The following INPP5B variants were observed in gnomAD, a reference collection of about 807,000 sequenced individuals.
INPP5B encodes the protein type II inositol 1,4,5-trisphosphate 5-phosphatase.
In INPP5B, 90 loss-of-function variants were observed where a neutral mutation model predicts 118.5. That is an observed-to-expected ratio of 0.76 (90% CI 0.64 to 0.90). The LOEUF (loss-of-function observed/expected upper bound fraction) is 0.90. Among genes scored for constraint, INPP5B ranks in the 40% least tolerant of loss-of-function variants. The pLI is 0.00. For missense variants in INPP5B, 984 were observed against 1,125.6 expected (o/e 0.87, Z 1.80); for synonymous variants, 385 against 418.9 (o/e 0.92, Z 0.99).
chr1:37,923,540 A>C (rs1645124663), intron 7 of INPP5B, among the ~76,000 whole-genome samples: 1 of 152,148 alleles, frequency 6.6e-6, no homozygotes, highest in Admixed American at 6.6e-5. Context: ...AGGAGAGGGA[A>C]ACTTGAGGTT....
At position 37,937,305 on chromosome 1, in the gene INPP5B, C is replaced by T. The variant is rs182460320; in HGVS notation, c.391+3383G>A. Among the ~76,000 whole-genome samples, 271 of 150,138 alleles carry T rather than the reference C, an allele frequency of 1.8e-3. No homozygotes were observed. The Middle Eastern group carries it at 0.018, about 10-fold the overall frequency. On this transcript the variant is annotated intron_variant, in intron 6 of 23. Coordinates refer to ENST00000373024, the MANE Select transcript of INPP5B (RefSeq NM_005540.3). ...CAGCCTGGGCAACAAAGCAAGACTC[C>T]GTCTCACAAAAAATAAATAAATAAA...
At chr1:37,881,259 T>C (rs989089344) in intron 14 of INPP5B, among the ~76,000 whole-genome samples, 1 of 152,232 alleles carries the variant, frequency 6.6e-6, no homozygotes, top group Non-Finnish European at 1.5e-5. Context: ...TCTGTAAATT[T>C]TGGATTTATA....
Position 37,891,457 on chromosome 1 carries a change from A to C in INPP5B, c.533-3T>G. On this transcript the variant is annotated splice_polypyrimidine_tract_variant and splice_region_variant and intron_variant, in intron 7 of 23. Transcript: ENST00000373024. ...CAAACCATCAAAGTTAGAACCACCTAAAGGGAAGGAGAAGAAATTAAAATA... is the reference window on the plus strand; with the variant it reads ...CAAACCATCAAAGTTAGAACCACCTCAAGGGAAGGAGAAGAAATTAAAATA... 1 of 1,598,198 alleles carries C rather than the reference A, an allele frequency of 6.3e-7. No homozygotes were observed. The highest frequency in any genetic ancestry group is 8.6e-7 in the Non-Finnish European group (1 of 1,165,714).
intron 7 of INPP5B, among the ~76,000 whole-genome samples, chr1:37,895,937 C>G (rs1423650586): frequency 1.3e-5 from 2 of 152,178 alleles, no homozygotes; most frequent in African/African-American, 4.8e-5. Flanking sequence ...GCCACCACCC[C>G]GTCTGGGAAG....
At chr1:37,914,148 G>A (rs997081900) in intron 7 of INPP5B, among the ~76,000 whole-genome samples, 1 of 152,124 alleles carries the variant, frequency 6.6e-6, no homozygotes, top group Admixed American at 6.6e-5. Flanking sequence ...CCTGTTGGTG[G>A]ACTCTTCACA....
chr1:37,900,261 G>GT (rs752628803), intron 7 of INPP5B, among the ~76,000 whole-genome samples: 2,838 of 136,906 alleles, frequency 0.021, 43 homozygotes, highest in Non-Finnish European at 0.028. Context: ...TTTGTTTTCG[G>GT]TTTTTTTTTT....
rs1646092385 is a variant in INPP5B at position 37,945,856 on chromosome 1, G to T, written c.58-6C>A. 1 of 1,613,512 alleles carries T rather than the reference G, an allele frequency of 6.2e-7. No homozygotes were observed. The highest frequency in any genetic ancestry group is 1.3e-5 in the African/African-American group (1 of 74,932). ...CACAGCACACCTTGCACCGCCTGCG[G>T]CTCAGAGTCAAGGGAAGACAACCCA... On this transcript the variant is annotated splice_region_variant and splice_polypyrimidine_tract_variant and intron_variant, in intron 2 of 23. Coordinates refer to ENST00000373024, the MANE Select transcript of INPP5B (RefSeq NM_005540.3).
chr1:37,869,840 CCT>C (rs1375675638), intron 19 of INPP5B: 4 of 151,972 alleles, frequency 2.6e-5, no homozygotes, highest in East Asian at 1.9e-4. Context: ...TGATTGGGCC[CCT>C]GTTTTCATCT....
intron 19 of INPP5B, among the ~76,000 whole-genome samples, chr1:37,870,326 G>A (rs1171024654): frequency 6.6e-6 from 1 of 152,106 alleles, no homozygotes; most frequent in African/African-American, 2.4e-5. Flanking sequence ...GAGCAGGCTG[G>A]TCTCAAAGTC....
At chr1:37,922,926 G>A (rs1557702014) in intron 7 of INPP5B, among the ~76,000 whole-genome samples, 1 of 152,214 alleles carries the variant, frequency 6.6e-6, no homozygotes, top group African/African-American at 2.4e-5. Context: ...CCCCTGGAGA[G>A]ATGACTTGAA....
intron 7 of INPP5B, among the ~76,000 whole-genome samples, chr1:37,918,769 T>C (rs375861534): frequency 1.1e-4 from 16 of 152,228 alleles, no homozygotes; most frequent in East Asian, 5.8e-4. Flanking sequence ...GATAAACAAA[T>C]ACAATCTACA....
chr1:37,891,297 C>G, intron 8 of INPP5B, 61 bp downstream of exon 8: 1 of 1,214,056 alleles, frequency 8.2e-7, no homozygotes, highest in South Asian at 1.2e-5. Flanking sequence ...CCAAAATGGT[C>G]TCAGTACTGT....
intron 7 of INPP5B, among the ~76,000 whole-genome samples, chr1:37,928,060 T>G (rs1175564234): frequency 6.6e-6 from 1 of 152,200 alleles, no homozygotes; most frequent in Non-Finnish European, 1.5e-5. Flanking sequence ...AACACTGTCC[T>G]GCTGGGCCAA....
chr1:37,893,024 T>C (rs1643891384), intron 7 of INPP5B, among the ~76,000 whole-genome samples: 1 of 151,810 alleles, frequency 6.6e-6, no homozygotes, highest in Non-Finnish European at 1.5e-5. Context: ...AAAATAAATC[T>C]CTGATCTCTG....
chr1:37,866,406 TCACACACACA>T (rs57582108), intron 21 of INPP5B, 43 bp downstream of exon 21: 5 of 404,414 alleles, frequency 1.2e-5, no homozygotes, highest in Admixed American at 4.4e-5. Context: ...TCTCTCTCTC[TCACACACACA>T]CACACACACA....
chr1:37,900,845 CTT>C (rs1390498533), intron 7 of INPP5B, among the ~76,000 whole-genome samples: 1 of 151,134 alleles, frequency 6.6e-6, no homozygotes, highest in East Asian at 2.0e-4. Flanking sequence ...GAGTCTCTCT[CTT>C]GTCACCCAGG....
At chr1:37,899,906 G>A (rs1644265855) in intron 7 of INPP5B, among the ~76,000 whole-genome samples, 1 of 151,306 alleles carries the variant, frequency 6.6e-6, no homozygotes, top group African/African-American at 2.4e-5. Flanking sequence ...AGTAGAGACG[G>A]GGTTTCACCG....
chr1:37,879,720 T>C, intron 15 of INPP5B, among the ~76,000 whole-genome samples: 1 of 152,074 alleles, frequency 6.6e-6, no homozygotes, highest in Admixed American at 6.6e-5. Flanking sequence ...ATCCAGCCAT[T>C]GTACCCTAGC....
At chr1:37,879,249 C>T (rs537915782) in intron 15 of INPP5B, among the ~76,000 whole-genome samples, 37 of 148,848 alleles carry the variant, frequency 2.5e-4, no homozygotes, top group African/African-American at 3.7e-4. Flanking sequence ...TACAGCCTGG[C>T]GACAGAGTGA....
Sources: gnomAD v4.1 joint callset for allele counts (sites outside exome capture counted in the v4.1 genomes callset) on GRCh38, gnomAD v4.1.1 for gene constraint, MANE v1.5 for transcripts, NCBI Gene and HGNC (gene_info 2026-07-23, HGNC 2026-07-21) for gene names.